LRRC4C: variants seen among roughly 807,000 people sequenced by gnomAD.
The protein encoded by LRRC4C is leucine rich repeat containing 4C.
Under a neutral mutation model 33.6 loss-of-function variants are expected in LRRC4C, and 5 were observed. The ratio of observed to expected loss-of-function variants is 0.15; its 90% confidence interval spans 0.08 to 0.31. The LOEUF (loss-of-function observed/expected upper bound fraction) is 0.31. Among genes scored for constraint, LRRC4C ranks in the 10% least tolerant of loss-of-function variants. LRRC4C has a pLI of 1.00. For missense variants in LRRC4C, 560 were observed against 796.7 expected, an observed-to-expected ratio of 0.70 and a Z score of 3.58; for synonymous variants, 329 against 302.0, an observed-to-expected ratio of 1.09 and a Z score of -0.93.
intron 3 of LRRC4C, among the ~76,000 whole-genome samples, chr11:40,632,993 T>C (rs1365127614): frequency 2.0e-5 from 3 of 152,240 alleles, no homozygotes; most frequent in African/African-American, 7.2e-5. Flanking sequence ...GTAATCCCTT[T>C]ATCTTTGCCA....
rs752194697 is a variant in LRRC4C at position 41,000,358 on chromosome 11, A to G, written c.-495-66635T>C. The stretch of plus-strand genomic sequence containing the variant: ...TATAATCCATGTTTAATTATTATCA[A>G]TTCTCTAGGTAAGTAAATAAACAAA... On this transcript the variant is annotated intron_variant, in intron 1 of 6. Transcript: ENST00000528697. Among the ~76,000 whole-genome samples, 72 of 152,288 alleles carry G rather than the reference A, an allele frequency of 4.7e-4. 1 individual carries two copies. The highest frequency in any genetic ancestry group is 6.2e-4 in the South Asian group (3 of 4,830).
chr11:41,033,766 T>A (rs1231887533), intron 1 of LRRC4C, among the ~76,000 whole-genome samples: 1 of 152,104 alleles, frequency 6.6e-6, no homozygotes, highest in African/African-American at 2.4e-5. Flanking sequence ...ACATTAAAGA[T>A]AATGTGTAAA....
At chr11:40,577,842 T>C (rs999270815) in intron 3 of LRRC4C, among the ~76,000 whole-genome samples, 5 of 144,002 alleles carry the variant, frequency 3.5e-5, no homozygotes, top group African/African-American at 1.3e-4. Flanking sequence ...CTTTTTTTTT[T>C]TTTTTTTTTT....
At chr11:40,991,768 A>C (rs1268672473) in intron 1 of LRRC4C, among the ~76,000 whole-genome samples, 2 of 152,100 alleles carry the variant, frequency 1.3e-5, no homozygotes, top group African/African-American at 4.8e-5. Context: ...TCCTTTGAGA[A>C]TCTAATGCCC....
intron 3 of LRRC4C, among the ~76,000 whole-genome samples, chr11:40,492,701 C>T (rs1036332261): frequency 6.6e-6 from 1 of 152,036 alleles, no homozygotes; most frequent in Non-Finnish European, 1.5e-5. Context: ...GTATGTACCT[C>T]ACAAAAAAAG....
intron 2 of LRRC4C, among the ~76,000 whole-genome samples, chr11:40,781,331 A>G (rs925991325): frequency 1.3e-5 from 2 of 152,130 alleles, no homozygotes; most frequent in Admixed American, 6.6e-5. Flanking sequence ...ACACACACAT[A>G]TATTTATATA....
At chr11:40,923,922 A>G (rs962619867) in intron 2 of LRRC4C, among the ~76,000 whole-genome samples, 1 of 152,166 alleles carries the variant, frequency 6.6e-6, no homozygotes, top group African/African-American at 2.4e-5. Flanking sequence ...TTAGTCTACC[A>G]AATGCTAATT....
At chr11:41,014,088 C>G (rs1855407860) in intron 1 of LRRC4C, among the ~76,000 whole-genome samples, 1 of 152,124 alleles carries the variant, frequency 6.6e-6, no homozygotes, top group South Asian at 2.1e-4. Context: ...TCAGCACCTT[C>G]TTGCTTCATC....
In LRRC4C at chr11:40,566,825, GA is replaced by G. The variant is rs1042778480; in HGVS notation, c.-270+81316del. Among the ~76,000 whole-genome samples, 80 of 152,124 alleles carry G rather than the reference GA, an allele frequency of 5.3e-4. 2 individuals are homozygous for G. Among genetic ancestry groups the G allele is most frequent in the African/African-American group, 1.9e-3 (79 of 41,512 alleles). On this transcript the variant is annotated intron_variant, in intron 3 of 6. Coordinates refer to ENST00000528697, the MANE Select transcript of LRRC4C (RefSeq NM_001258419.2). ...GATGCATGGGATACCACCTGAAAAG[GA>G]ACCTAATTTCTTTAAATAAGAAGAA...
intron 1 of LRRC4C, among the ~76,000 whole-genome samples, chr11:41,151,330 A>G (rs149048087): frequency 4.7e-4 from 71 of 152,302 alleles, no homozygotes; most frequent in Non-Finnish European, 9.1e-4. Flanking sequence ...AAAGCACAGC[A>G]GGCATGCAGT....
intron 1 of LRRC4C, among the ~76,000 whole-genome samples, chr11:41,137,730 C>T (rs1295385467): frequency 6.6e-6 from 1 of 152,110 alleles, no homozygotes; most frequent in Non-Finnish European, 1.5e-5. Flanking sequence ...TATCCTTCAG[C>T]TATTTTGTCA....
chr11:40,650,619 T>A (rs1366173562), intron 2 of LRRC4C, among the ~76,000 whole-genome samples: 4 of 152,214 alleles, frequency 2.6e-5, no homozygotes, highest in Non-Finnish European at 4.4e-5. Context: ...AATTTTGTTA[T>A]TTGACATCAC....
chr11:40,799,239 C>A (rs1341752973), intron 2 of LRRC4C, among the ~76,000 whole-genome samples: 1 of 152,078 alleles, frequency 6.6e-6, no homozygotes, highest in East Asian at 1.9e-4. Context: ...ACAAGCAATT[C>A]TCTAACCTTA....
chr11:41,437,878 A>G (rs941093287), intron 1 of LRRC4C, among the ~76,000 whole-genome samples: 3 of 152,014 alleles, frequency 2.0e-5, no homozygotes, highest in African/African-American at 7.2e-5. Flanking sequence ...TCTCTACTAA[A>G]AATACAAAAA....
intron 3 of LRRC4C, among the ~76,000 whole-genome samples, chr11:40,426,928 T>C (rs898822814): frequency 9.2e-5 from 14 of 152,232 alleles, no homozygotes; most frequent in Admixed American, 2.6e-4. Context: ...TCAAGTTTTT[T>C]CCTTCTTTCT....
intron 2 of LRRC4C, among the ~76,000 whole-genome samples, chr11:40,766,324 G>A (rs1376631146): frequency 1.8e-5 from 1 of 54,290 alleles, no homozygotes; most frequent in African/African-American, 7.1e-5. Flanking sequence ...TGTCCTACAA[G>A]AAATGCTAAA....
intron 2 of LRRC4C, among the ~76,000 whole-genome samples, chr11:40,862,344 T>TA (rs887864780): frequency 6.6e-5 from 10 of 152,184 alleles, no homozygotes; most frequent in Admixed American, 6.6e-4. Flanking sequence ...TATTTAAATT[T>TA]AAAAAAATTG....
At chr11:40,520,265 C>G (rs1955753996) in intron 3 of LRRC4C, among the ~76,000 whole-genome samples, 1 of 152,142 alleles carries the variant, frequency 6.6e-6, no homozygotes, top group Non-Finnish European at 1.5e-5. Context: ...TCTTCAATAA[C>G]TTTTTCTTTG....
At chr11:40,956,334 C>A (rs2136796672) in intron 1 of LRRC4C, among the ~76,000 whole-genome samples, 1 of 151,858 alleles carries the variant, frequency 6.6e-6, no homozygotes, top group East Asian at 1.9e-4. Flanking sequence ...AGCAAACATT[C>A]TGCCTAAGTC....
Sources: gnomAD v4.1 joint callset for allele counts (sites outside exome capture counted in the v4.1 genomes callset) on GRCh38, gnomAD v4.1.1 for gene constraint, MANE v1.5 for transcripts, NCBI Gene and HGNC (gene_info 2026-07-23, HGNC 2026-07-21) for gene names.